POLE4: variants seen among roughly 807,000 people sequenced by gnomAD.
POLE4 encodes DNA polymerase epsilon 4, accessory subunit.
In POLE4, 15 loss-of-function variants were observed where a neutral mutation model predicts 15.6. That is an observed-to-expected ratio of 0.96 (90% confidence interval 0.64 to 1.48). POLE4 has a LOEUF of 1.48. Ranked by LOEUF, POLE4 falls within the 40% of genes most tolerant of loss-of-function variation. The pLI, the probability that POLE4 is intolerant of heterozygous loss-of-function variation, is 0.00. For synonymous variants in POLE4, 83 were observed against 63.2 expected (o/e 1.31, Z -1.49); for missense variants, 205 against 151.9 (o/e 1.35, Z -1.84).
rs1312024737 is a variant in POLE4, at chr2:74,958,908, G to C, written c.213+16G>C. ...ACGAGCCGCGGTGCGCCTGCAGCGC[G>C]AGGGCATGCGGGAGTGGGGGAGGTG... On this transcript the variant is annotated intron_variant, in intron 1 of 3. Transcript: ENST00000483063. 1.9e-6 allele frequency: 3 copies of C among 1,550,046 alleles called. No individual in the cohort carries two copies. The highest frequency in any genetic ancestry group is 2.6e-6 in the Non-Finnish European group (3 of 1,145,988).
In POLE4 at chr2:74,959,433, G is replaced by A; in HGVS notation, c.298+8G>A. On this transcript the variant is annotated splice_region_variant and intron_variant, in intron 2 of 3. Coordinates refer to ENST00000483063, the MANE Select transcript of POLE4 (RefSeq NM_019896.4). ...TTCAGAGGAGAGACTTGGGTAGAGT[G>A]GCACTGCAGTGTCTGGGGACAGACA... 1 of 1,583,184 alleles carries A rather than the reference G, an allele frequency of 6.3e-7. No homozygotes were observed. The highest frequency in any genetic ancestry group is 8.7e-7 in the Non-Finnish European group (1 of 1,152,166).
At chr2:74,960,421 C>T (rs1297131043) in intron 3 of POLE4, among the ~76,000 whole-genome samples, 1 of 152,160 alleles carries the variant, frequency 6.6e-6, no homozygotes, top group African/African-American at 2.4e-5. Context: ...AAGTTCGATT[C>T]CTACTTTGAT....
intron 1 of POLE4, 71 bp from the exon 2 acceptor site, chr2:74,959,270 C>A (rs1671178592): frequency 1.0e-6 from 1 of 965,944 alleles, no homozygotes; most frequent in Non-Finnish European, 1.6e-6. Context: ...TGCCCCCACC[C>A]ACAAACCGGA....
chr2:74,969,365 C>G (rs756392311), intron 3 of POLE4, 44 bp from the exon 4 acceptor site: 9 of 1,601,548 alleles, frequency 5.6e-6, no homozygotes, highest in Non-Finnish European at 3.4e-6. Flanking sequence ...ACTAATCCAG[C>G]TTCTGAGGTC....
chr2:74,960,657 A>C, intron 3 of POLE4: 1 of 457,136 alleles, frequency 2.2e-6, no homozygotes. Context: ...GAAATACCTA[A>C]TTTTAGCTAC....
rs184560205 is a variant in POLE4, at chr2:74,966,464, C to T, written c.341-2945C>T. On this transcript the variant is annotated intron_variant, in intron 3 of 3. Coordinates refer to ENST00000483063, the MANE Select transcript of POLE4 (RefSeq NM_019896.4). ...TCACCCAGGCTGGAGTGCAGTGGTG[C>T]GATCTCAGCTCACTGCAACCTCTGC... Among the ~76,000 whole-genome samples, 12 of 152,252 alleles carry T rather than the reference C, an allele frequency of 7.9e-5. No individual in the cohort carries two copies. In the East Asian group the frequency reaches 1.7e-3, roughly 22 times the overall value.
At chr2:74,967,289 C>T (rs1671310353) in intron 3 of POLE4, among the ~76,000 whole-genome samples, 1 of 151,414 alleles carries the variant, frequency 6.6e-6, no homozygotes, top group Non-Finnish European at 1.5e-5. Flanking sequence ...TTTATTCTCT[C>T]CATTTGTCTC....
chr2:74,959,235 G>T, intron 1 of POLE4, 106 bp from the exon 2 acceptor site: 1 of 683,518 alleles, frequency 1.5e-6, no homozygotes, highest in Non-Finnish European at 2.6e-6. Context: ...ACATTTTCTT[G>T]CCCCGAGCCT....
chr2:74,969,750 A>G lies in POLE4; in HGVS notation c.*328A>G, dbSNP rs1249599534. On this transcript the variant is annotated 3_prime_UTR_variant, in exon 4 of 4. Transcript: ENST00000483063. ...CAACCTCAGTCCAGTGTGTTTTATAATCTCGCCTTTGTTCCTACCCTGTGA... is the reference window on the plus strand; with the variant it reads ...CAACCTCAGTCCAGTGTGTTTTATAGTCTCGCCTTTGTTCCTACCCTGTGA... 4.9e-5 allele frequency: 15 copies of G among 305,924 alleles called. No homozygotes were observed. Among genetic ancestry groups the G allele is most frequent in the Non-Finnish European group, 8.1e-5 (13 of 160,948 alleles). 19.0% of individuals were successfully genotyped at this position (305,924 alleles called of 1,614,324 possible).
intron 3 of POLE4, among the ~76,000 whole-genome samples, chr2:74,965,467 T>G (rs1027143191): frequency 1.3e-5 from 2 of 152,230 alleles, no homozygotes; most frequent in Non-Finnish European, 2.9e-5. Context: ...TTTGAATATT[T>G]GATGGAATTC....
intron 3 of POLE4, among the ~76,000 whole-genome samples, chr2:74,964,317 A>G (rs1477442459): frequency 6.6e-6 from 1 of 152,082 alleles, no homozygotes; most frequent in Non-Finnish European, 1.5e-5. Context: ...CTATTTTTGA[A>G]TCTTTGCATT....
chr2:74,959,025 G>C (rs1205742246), intron 1 of POLE4, 133 bp downstream of exon 1: 1 of 789,096 alleles, frequency 1.3e-6, no homozygotes, highest in African/African-American at 1.8e-5. Flanking sequence ...CCGGAAGGCG[G>C]AGGAAAGGGG....
chr2:74,959,457 C>G lies in POLE4; in HGVS notation c.298+32C>G, dbSNP rs1303690370. ...TGGCACTGCAGTGTCTGGGGACAGA[C>G]AAGGGAGGGCTGGGCTGGTTTCCCC... On this transcript the variant is annotated intron_variant, in intron 2 of 3. Coordinates refer to ENST00000483063, the MANE Select transcript of POLE4 (RefSeq NM_019896.4). 7 of 1,415,816 alleles carry G rather than the reference C, an allele frequency of 4.9e-6. No homozygotes were observed. In the African/African-American group the frequency reaches 8.5e-5, roughly 17 times the overall value. 87.7% of individuals were successfully genotyped at this position (1,415,816 alleles called of 1,614,324 possible).
chr2:74,958,729 G>A lies in POLE4; in HGVS notation c.50G>A (p.Gly17Glu), dbSNP rs12366. Residue 17 changes from glycine (G) to glutamate (E), a missense_variant, in exon 1 of 4, where the codon GGA becomes GAA. Gly to Glu is a moderately conservative substitution (Grantham distance 98). Transcript: ENST00000483063. ...AGSGTPREEEGPAGEAAASQP... is the reference protein window; with the variant it reads ...AGSGTPREEEEPAGEAAASQP... Reference sequence around the variant, plus strand: ...AGCGGGACGCCCCGAGAGGAGGAGGGACCTGCTGGGGAGGCAGCGGCCTCG... The same window carrying A: ...AGCGGGACGCCCCGAGAGGAGGAGGAACCTGCTGGGGAGGCAGCGGCCTCG... 10 of 1,513,626 alleles carry A rather than the reference G, an allele frequency of 6.6e-6. No homozygotes were observed. Among genetic ancestry groups the A allele is most frequent in the South Asian group, 1.2e-5 (1 of 81,006 alleles). 93.8% of individuals were successfully genotyped at this position (1,513,626 alleles called of 1,614,324 possible).
chr2:74,969,467 G>A lies in POLE4; in HGVS notation c.*45G>A, dbSNP rs372573430. The stretch of plus-strand genomic sequence containing the variant: ...TGTGAGCCTTCATCTGAAGCCTTCA[G>A]TTCACCCCTCTGCACAGGCCTCAGC... On this transcript the variant is annotated 3_prime_UTR_variant, in exon 4 of 4. Transcript: ENST00000483063. 4.4e-6 allele frequency: 7 copies of A among 1,594,302 alleles called. No individual in the cohort carries two copies. The highest frequency in any genetic ancestry group is 1.7e-5 in the Admixed American group (1 of 59,990).
At chr2:74,968,946 C>T (rs1671328633) in intron 3 of POLE4, among the ~76,000 whole-genome samples, 2 of 151,820 alleles carry the variant, frequency 1.3e-5, no homozygotes, top group Admixed American at 6.6e-5. Flanking sequence ...GCCAGTGGGC[C>T]CCTATTTGTT....
At chr2:74,962,652 A>C (rs1671238367) in intron 3 of POLE4, among the ~76,000 whole-genome samples, 1 of 152,166 alleles carries the variant, frequency 6.6e-6, no homozygotes, top group South Asian at 2.1e-4. Flanking sequence ...GTAAATGTAA[A>C]GTCAATAAAT....
chr2:74,960,260 G>A (rs1466102824), intron 3 of POLE4, 114 bp downstream of exon 3: 15 of 886,802 alleles, frequency 1.7e-5, no homozygotes, highest in African/African-American at 1.0e-4. Flanking sequence ...ATAATTCTCC[G>A]CACTTGCTAT....
At chr2:74,963,035 T>C (rs1274896241) in intron 3 of POLE4, among the ~76,000 whole-genome samples, 1 of 152,224 alleles carries the variant, frequency 6.6e-6, no homozygotes, top group Non-Finnish European at 1.5e-5. Context: ...AATTGAACTA[T>C]TTTAATGTTG....
Sources: allele counts gnomAD v4.1 joint callset (sites outside exome capture counted in the v4.1 genomes callset), GRCh38; gene constraint gnomAD v4.1.1; transcripts MANE v1.5; gene names NCBI Gene and HGNC (gene_info 2026-07-23, HGNC 2026-07-21).